The following ACSM5 variants were observed in gnomAD, a reference collection of about 807,000 sequenced individuals.
ACSM5 encodes acyl-CoA synthetase medium chain family member 5.
Under a neutral mutation model 71.6 loss-of-function variants are expected in ACSM5, and 56 were observed. The ratio of observed to expected loss-of-function variants is 0.78; its 90% confidence interval spans 0.63 to 0.98. The LOEUF is 0.98. ACSM5 is among the 50% of genes least tolerant of loss of function. The pLI is 0.00. For synonymous variants in ACSM5, 285 were observed against 281.5 expected (o/e 1.01, Z -0.12); for missense variants, 723 against 726.0 (o/e 1.00, Z 0.05).
intron 2 of ACSM5, among the ~76,000 whole-genome samples, chr16:20,412,475 T>C (rs1966849562): frequency 1.3e-5 from 2 of 152,246 alleles, no homozygotes; most frequent in South Asian, 4.1e-4. Context: ...GATTTCTTTG[T>C]GTGTCTCTGT....
In ACSM5 at chr16:20,440,455, C is replaced by T; in HGVS notation, c.*28C>T. On this transcript the variant is annotated 3_prime_UTR_variant, in exon 14 of 14. Transcript: ENST00000331849. ...TGCACCCCAGGAAGGCCCCGTAGAC[C>T]TCCGAAGACTCCACAAGAAACTAAT... 1 of 1,574,790 alleles carries T rather than the reference C, an allele frequency of 6.4e-7. No homozygotes were observed. The highest frequency in any genetic ancestry group is 2.2e-5 in the East Asian group (1 of 44,764).
chr16:20,419,961 C>T (rs34146181), intron 4 of ACSM5, among the ~76,000 whole-genome samples: 24 of 152,174 alleles, frequency 1.6e-4, no homozygotes, highest in South Asian at 2.1e-4. Context: ...GCCCTTTAAC[C>T]CAGTTTTACA....
At chr16:20,440,039 C>T (rs1967291750) in intron 13 of ACSM5, 120 bp downstream of exon 13, 2 of 1,291,840 alleles carry the variant, frequency 1.5e-6, no homozygotes, top group South Asian at 1.4e-5. Flanking sequence ...AACTTGTAAC[C>T]CTGGCTGCTG....
intron 10 of ACSM5, among the ~76,000 whole-genome samples, chr16:20,435,694 T>C (rs1317304699): frequency 2.0e-5 from 3 of 152,216 alleles, no homozygotes; most frequent in Non-Finnish European, 4.4e-5. Context: ...AAAAAAGAAC[T>C]TCATGTAAAT....
At chr16:20,413,899 A>G (rs1966851967) in intron 2 of ACSM5, among the ~76,000 whole-genome samples, 1 of 152,176 alleles carries the variant, frequency 6.6e-6, no homozygotes, top group Non-Finnish European at 1.5e-5. Flanking sequence ...TTTCTGTCTA[A>G]TCATAAGATG....
At chr16:20,436,478 C>T (rs1967202619) in intron 10 of ACSM5, among the ~76,000 whole-genome samples, 5 of 152,224 alleles carry the variant, frequency 3.3e-5, no homozygotes, top group Middle Eastern at 6.8e-3. Flanking sequence ...TTAAGCAATT[C>T]GCCTGCCTCA....
chr16:20,427,337 G>C (rs1224170456), intron 6 of ACSM5, among the ~76,000 whole-genome samples: 10 of 152,238 alleles, frequency 6.6e-5, no homozygotes, highest in Non-Finnish European at 1.3e-4. Flanking sequence ...AACCTCACTG[G>C]TGGTTTTTAG....
chr16:20,421,615 C>CTATATA (rs59443556), intron 5 of ACSM5, among the ~76,000 whole-genome samples: 135 of 105,794 alleles, frequency 1.3e-3, no homozygotes, highest in African/African-American at 1.9e-3. Context: ...TAAATCGTGG[C>CTATATA]TATATATATA....
In ACSM5 at chr16:20,437,110, G is replaced by C. The variant is rs369151501; in HGVS notation, c.1367G>C (p.Arg456Pro). The C allele has an allele frequency of 2.5e-6, 4 of 1,614,200 alleles. No homozygotes were observed. In the South Asian group the frequency reaches 4.4e-5, roughly 18 times the overall value. Residue 456 changes from arginine (R) to proline (P), a missense_variant, in exon 11 of 14, where the codon CGA (arginine) becomes CCA (proline). Physicochemically the swap from Arg to Pro is moderately radical, Grantham distance 103 (BLOSUM62 -2). Transcript: ENST00000331849. ...EQGDFYITGD[R>P]ARMDKDGYFW... ...GGGGACTTTTACATCACAGGGGACC[G>C]AGCTCGCATGGACAAGGATGGCTAC...
intron 2 of ACSM5, among the ~76,000 whole-genome samples, chr16:20,415,345 G>C (rs1424764548): frequency 6.6e-6 from 1 of 152,164 alleles, no homozygotes; most frequent in Non-Finnish European, 1.5e-5. Flanking sequence ...AAGTCACAGA[G>C]AGCTTTTTGA....
Position 20,421,420 on chromosome 16 carries a change from T to C in ACSM5, c.767+19T>C. On this transcript the variant is annotated intron_variant, in intron 5 of 13. Transcript: ENST00000331849. ...GCGGAAGGTACCAGAGCAGCTTGTC[T>C]AGAGGATCCAAGAACAGAAAGTGGG... 1 of 1,556,102 alleles carries C rather than the reference T, an allele frequency of 6.4e-7. No homozygotes were observed. Among genetic ancestry groups the C allele is most frequent in the Non-Finnish European group, 8.7e-7 (1 of 1,144,228 alleles).
intron 1 of ACSM5, among the ~76,000 whole-genome samples, chr16:20,410,005 T>C (rs1966844592): frequency 6.6e-6 from 1 of 152,198 alleles, no homozygotes; most frequent in Non-Finnish European, 1.5e-5. Flanking sequence ...CTGGGGCCTA[T>C]GTTTTTCCAG....
intron 2 of ACSM5, 87 bp from the exon 3 acceptor site, chr16:20,417,972 A>T: frequency 7.9e-7 from 1 of 1,265,628 alleles, no homozygotes. Flanking sequence ...ATTTTATATT[A>T]ACTATTATAA....
chr16:20,418,255 C>CT lies in ACSM5; in HGVS notation c.403dup (p.Cys135LeufsTer36), dbSNP rs754918641. On this transcript the variant is annotated frameshift_variant, in exon 3 of 14. Transcript: ENST00000331849. LOFTEE classifies it high-confidence loss of function. ...CCGGAGTGGTGGCTGGTCAGTGTGG[C>CT]TTGCATGCGGACAGGTCAGTAAGCA... 1 of 1,611,312 alleles carries CT rather than the reference C, an allele frequency of 6.2e-7. No homozygotes were observed. Among genetic ancestry groups the CT allele is most frequent in the South Asian group, 1.1e-5 (1 of 90,810 alleles).
chr16:20,419,718 A>G (rs554536109), intron 4 of ACSM5: 4 of 469,648 alleles, frequency 8.5e-6, no homozygotes, highest in East Asian at 4.2e-5. Flanking sequence ...GAAATAACCA[A>G]TATGGTGCAT....
intron 4 of ACSM5, chr16:20,419,935 C>T: frequency 5.5e-6 from 1 of 182,702 alleles, no homozygotes; most frequent in Non-Finnish European, 1.2e-5. Flanking sequence ...AATCCCTGAA[C>T]AGGACATTGT....
chr16:20,411,469 G>A lies in ACSM5; in HGVS notation c.-15-1G>A. The A allele has an allele frequency of 6.2e-7, 1 of 1,613,150 alleles. No individual in the cohort carries two copies. The highest frequency in any genetic ancestry group is 8.5e-7 in the Non-Finnish European group (1 of 1,179,672). The stretch of plus-strand genomic sequence containing the variant: ...GCCCTCTTTCCTCTCTTTGGTGACA[G>A]ACAGGAGGCGACTGCATGAGACCAT... On this transcript the variant is annotated splice_acceptor_variant, in intron 1 of 13. Transcript: ENST00000331849. LOFTEE classifies it low-confidence loss of function (5UTR_SPLICE).
chr16:20,422,255 G>C (rs1353265979), intron 5 of ACSM5, among the ~76,000 whole-genome samples: 1 of 152,068 alleles, frequency 6.6e-6, no homozygotes, highest in Non-Finnish European at 1.5e-5. Flanking sequence ...GGGGTTACAG[G>C]TGCCCGCCAC....
At chr16:20,412,015 G>A in intron 2 of ACSM5, 1 of 338,318 alleles carries the variant, frequency 3.0e-6, no homozygotes, top group Non-Finnish European at 5.7e-6. Flanking sequence ...CTCTGTCTTT[G>A]ATGTTTTTCT....
Sources: gnomAD v4.1 joint callset for allele counts (sites outside exome capture counted in the v4.1 genomes callset) on GRCh38, gnomAD v4.1.1 for gene constraint, MANE v1.5 for transcripts, NCBI Gene and HGNC (gene_info 2026-07-23, HGNC 2026-07-21) for gene names.